Variants in FOXO3 observed in about 807,000 individuals in gnomAD.
FOXO3 encodes the protein forkhead box protein O3.
FOXO3 carries 4 observed loss-of-function variants against 41.9 expected under a neutral mutation model. The ratio of observed to expected loss-of-function variants is 0.10; its 90% CI spans 0.05 to 0.22. The LOEUF is 0.22. Among genes scored for constraint, FOXO3 ranks in the 10% least tolerant of loss-of-function variants. FOXO3 has a pLI of 1.00. For synonymous variants in FOXO3, 318 were observed against 389.3 expected (o/e 0.82, Z 2.16); for missense variants, 534 against 906.8 (o/e 0.59, Z 5.28).
intron 1 of FOXO3, among the ~76,000 whole-genome samples, chr6:108,598,584 T>C (rs1006706410): frequency 1.3e-5 from 2 of 152,228 alleles, no homozygotes; most frequent in African/African-American, 4.8e-5. Flanking sequence ...ACGCACAACA[T>C]GAGTCAGAAA....
At chr6:108,582,417 C>T (rs1248107490) in intron 1 of FOXO3, among the ~76,000 whole-genome samples, 1 of 152,226 alleles carries the variant, frequency 6.6e-6, no homozygotes, top group Non-Finnish European at 1.5e-5. Flanking sequence ...AACTCAGTAA[C>T]ATCCCTTTGC....
intron 2 of FOXO3, among the ~76,000 whole-genome samples, chr6:108,670,026 G>C (rs1202317447): frequency 1.3e-5 from 2 of 152,198 alleles, no homozygotes; most frequent in Non-Finnish European, 2.9e-5. Context: ...TATCAGTAGA[G>C]TCTTCCCCCA....
chr6:108,614,672 T>C (rs1466541667), intron 1 of FOXO3, among the ~76,000 whole-genome samples: 1 of 152,096 alleles, frequency 6.6e-6, no homozygotes, highest in Admixed American at 6.5e-5. Flanking sequence ...AATCTGACAA[T>C]CTCTGGCTTT....
At chr6:108,593,186 C>T (rs1164309851) in intron 1 of FOXO3, among the ~76,000 whole-genome samples, 1 of 151,982 alleles carries the variant, frequency 6.6e-6, no homozygotes, top group Non-Finnish European at 1.5e-5. Context: ...TTTATAGTAA[C>T]AAGATGTTCT....
intron 1 of FOXO3, among the ~76,000 whole-genome samples, chr6:108,599,933 C>A (rs1039177077): frequency 2.6e-5 from 4 of 152,190 alleles, no homozygotes; most frequent in South Asian, 2.1e-4. Flanking sequence ...CAAGACCCAC[C>A]TGCATCTGTG....
intron 1 of FOXO3, among the ~76,000 whole-genome samples, chr6:108,590,269 G>A (rs1347606651): frequency 1.3e-5 from 2 of 151,936 alleles, no homozygotes; most frequent in Non-Finnish European, 1.5e-5. Context: ...AACTACAAGC[G>A]TGAGCCACCA....
intron 1 of FOXO3, among the ~76,000 whole-genome samples, chr6:108,581,997 CTTAATGT>C (rs1331398981): frequency 6.6e-6 from 1 of 152,016 alleles, no homozygotes; most frequent in Non-Finnish European, 1.5e-5. Flanking sequence ...ATAAAGCTTT[CTTAATGT>C]TTAAAAATAT....
chr6:108,665,521 A>T (rs1237675945), intron 2 of FOXO3, among the ~76,000 whole-genome samples: 1 of 152,222 alleles, frequency 6.6e-6, no homozygotes, highest in Non-Finnish European at 1.5e-5. Context: ...CTCAAGAGCT[A>T]AACCTTTAAA....
At chr6:108,673,103 G>A (rs1034103061) in intron 2 of FOXO3, among the ~76,000 whole-genome samples, 3 of 152,210 alleles carry the variant, frequency 2.0e-5, no homozygotes, top group Admixed American at 6.5e-5. Flanking sequence ...TAAGTAATCA[G>A]AAAGTGTCTT....
Position 108,654,528 on chromosome 6 carries a change from T to C in FOXO3, c.622-8927T>C, listed in dbSNP as rs914673470. 2.6e-5 allele frequency among the ~76,000 whole-genome samples: 4 copies of C among 152,186 alleles called. No homozygotes were observed. The East Asian group carries it at 7.7e-4, about 29-fold the overall frequency. On this transcript the variant is annotated intron_variant, in intron 1 of 2. Transcript: ENST00000406360. ...TTGTTTGGATAGAAAATTGATTCAT[T>C]ATTCTGATGACCAGATGATGATTTT...
chr6:108,573,633 G>A (rs1318634726), intron 1 of FOXO3, among the ~76,000 whole-genome samples: 5 of 152,026 alleles, frequency 3.3e-5, no homozygotes, highest in Non-Finnish European at 7.4e-5. Context: ...TTTGAGACCA[G>A]CCTGGCCAAC....
chr6:108,601,492 C>T (rs568503726), intron 1 of FOXO3, among the ~76,000 whole-genome samples: 7 of 151,878 alleles, frequency 4.6e-5, no homozygotes, highest in South Asian at 2.1e-4. Context: ...TTAGTAGAGA[C>T]GGAGTTTCAC....
chr6:108,625,977 A>G (rs909215986), intron 1 of FOXO3, among the ~76,000 whole-genome samples: 1 of 152,126 alleles, frequency 6.6e-6, no homozygotes, highest in Non-Finnish European at 1.5e-5. Context: ...TGTGTTGCAT[A>G]AGCTTGGTTA....
intron 1 of FOXO3, among the ~76,000 whole-genome samples, chr6:108,583,337 T>G (rs1776482861): frequency 6.6e-6 from 1 of 152,224 alleles, no homozygotes; most frequent in South Asian, 2.1e-4. Context: ...TGAAGAAGGA[T>G]TGCCCGGTGG....
intron 1 of FOXO3, among the ~76,000 whole-genome samples, chr6:108,653,206 C>T (rs559462709): frequency 5.4e-4 from 83 of 152,324 alleles, no homozygotes; most frequent in Admixed American, 1.8e-3. Flanking sequence ...TTTATCACAT[C>T]TCATGTTAAA....
intron 1 of FOXO3, among the ~76,000 whole-genome samples, chr6:108,611,853 G>C: frequency 6.6e-6 from 1 of 152,066 alleles, no homozygotes; most frequent in East Asian, 1.9e-4. Flanking sequence ...AACAACTAAA[G>C]AGCTAAGTTT....
intron 1 of FOXO3, among the ~76,000 whole-genome samples, chr6:108,649,944 A>G (rs190337657): frequency 8.3e-4 from 127 of 152,224 alleles, no homozygotes; most frequent in African/African-American, 2.8e-3. Flanking sequence ...ATTACTCTCA[A>G]TGGCCCCCAT....
rs368405598 is a variant in FOXO3 at position 108,678,890 on chromosome 6, T to TTTTTTTTTC, written c.*35-936_*35-935insTTTTTTTCT. Among the ~76,000 whole-genome samples, 175 of 115,402 alleles carry TTTTTTTTTC rather than the reference T, an allele frequency of 1.5e-3. 17 individuals are homozygous for TTTTTTTTTC. The highest frequency in any genetic ancestry group is 5.1e-3 in the Middle Eastern group (1 of 198). 75.7% of individuals were successfully genotyped at this position (115,402 alleles called of 152,430 possible). On this transcript the variant is annotated intron_variant, in intron 2 of 2. Transcript: ENST00000406360. Reference sequence around the variant, plus strand: ...AATTCTTTTTTTTTTTTTTTTTTTTTTGAGACGGAGTCTCGCTGTCGCTCA... The same window carrying TTTTTTTTTC: ...AATTCTTTTTTTTTTTTTTTTTTTTTTTTTTTTTCTGAGACGGAGTCTCGCTGTCGCTCA...
At position 108,583,842 on chromosome 6, in the gene FOXO3, C is replaced by G. The variant is rs191442649; in HGVS notation, c.621+22013C>G. On this transcript the variant is annotated intron_variant, in intron 1 of 2. Transcript: ENST00000406360. The stretch of plus-strand genomic sequence containing the variant: ...GATTTCAGTGCTGTGGTGAAGCAAT[C>G]TGTGTGTGCTTTAAAGGTAAATAAA... Among the ~76,000 whole-genome samples, 31 of 152,224 alleles carry G rather than the reference C, an allele frequency of 2.0e-4. 1 individual carries two copies.
Sources: gnomAD v4.1 joint callset for allele counts (sites outside exome capture counted in the v4.1 genomes callset) on GRCh38, gnomAD v4.1.1 for gene constraint, MANE v1.5 for transcripts, NCBI Gene and HGNC (gene_info 2026-07-23, HGNC 2026-07-21) for gene names.